The following NRG3 variants were observed in gnomAD, a reference collection of about 807,000 sequenced individuals.
NRG3 encodes the protein neuregulin 3.
In NRG3, 31 loss-of-function variants were observed where a neutral mutation model predicts 66.9. The ratio of observed to expected loss-of-function variants is 0.46; its 90% CI spans 0.35 to 0.63. NRG3 has a LOEUF of 0.63. Ranked by LOEUF, NRG3 falls within the 20% of genes least tolerant of loss-of-function variation. The pLI is 0.00. For synonymous variants in NRG3, 393 were observed against 359.4 expected (o/e 1.09, Z -1.06); for missense variants, 910 against 878.9 (o/e 1.04, Z -0.45).
intron 1 of NRG3, among the ~76,000 whole-genome samples, chr10:82,177,035 C>G (rs1194129542): frequency 6.6e-6 from 1 of 151,886 alleles, no homozygotes; most frequent in Non-Finnish European, 1.5e-5. Flanking sequence ...GTAGCCTACC[C>G]TTTCCTTACC....
At chr10:82,932,785 A>G (rs1032470285) in intron 4 of NRG3, among the ~76,000 whole-genome samples, 1 of 152,160 alleles carries the variant, frequency 6.6e-6, no homozygotes, top group African/African-American at 2.4e-5. Context: ...AAAGAGGAGG[A>G]AGGTCACTCG....
intron 1 of NRG3, among the ~76,000 whole-genome samples, chr10:82,005,904 T>TGTGTGTGC (rs1404200577): frequency 6.6e-6 from 1 of 151,762 alleles, no homozygotes; most frequent in Non-Finnish European, 1.5e-5. Context: ...ATTTTGTGTG[T>TGTGTGTGC]GTGTGTGTGT....
At chr10:82,764,100 T>G (rs2059424083) in intron 3 of NRG3, among the ~76,000 whole-genome samples, 1 of 152,144 alleles carries the variant, frequency 6.6e-6, no homozygotes, top group African/African-American at 2.4e-5. Flanking sequence ...AGTGGAGTGG[T>G]CTTGGCTCAC....
chr10:82,557,691 G>A (rs1333487203), intron 2 of NRG3, among the ~76,000 whole-genome samples: 2 of 152,122 alleles, frequency 1.3e-5, no homozygotes, highest in African/African-American at 2.4e-5. Flanking sequence ...TGGTATGGGT[G>A]CTGGGACTGA....
intron 4 of NRG3, among the ~76,000 whole-genome samples, chr10:82,930,476 G>A (rs760548821): frequency 5.9e-5 from 9 of 152,076 alleles, no homozygotes; most frequent in Non-Finnish European, 8.8e-5. Context: ...GTGCCTTTTC[G>A]GATGTGAACA....
At chr10:82,123,706 T>C (rs1283744426) in intron 1 of NRG3, among the ~76,000 whole-genome samples, 3 of 152,182 alleles carry the variant, frequency 2.0e-5, no homozygotes, top group African/African-American at 7.2e-5. Flanking sequence ...GAGGCAAGTC[T>C]AAATCAACCA....
intron 2 of NRG3, among the ~76,000 whole-genome samples, chr10:82,525,532 G>A (rs1244808674): frequency 6.6e-6 from 1 of 151,778 alleles, no homozygotes; most frequent in African/African-American, 2.4e-5. Flanking sequence ...AGACCAGAGG[G>A]ACTCCTAGGA....
chr10:82,985,896 C>T lies in NRG3; in HGVS notation c.*291C>T, dbSNP rs1222904830. 3 of 269,096 alleles carry T rather than the reference C, an allele frequency of 1.1e-5. No homozygotes were observed. Among genetic ancestry groups the T allele is most frequent in the Non-Finnish European group, 2.1e-5 (3 of 143,544 alleles). 16.7% of individuals were successfully genotyped at this position (269,096 alleles called of 1,614,324 possible). Reference sequence around the variant, plus strand: ...TTAGAAGATGTGGGCAATTCAGACCCTTGGCCCCACAGTGCCAGTGTCTCA... The same window carrying T: ...TTAGAAGATGTGGGCAATTCAGACCTTTGGCCCCACAGTGCCAGTGTCTCA... On this transcript the variant is annotated 3_prime_UTR_variant, in exon 9 of 9. Transcript: ENST00000372141.
chr10:82,925,401 TG>T, intron 4 of NRG3, among the ~76,000 whole-genome samples: 1 of 152,236 alleles, frequency 6.6e-6, no homozygotes. Flanking sequence ...CAAGTGCAAC[TG>T]GGGTTAATAA....
chr10:82,164,003 C>T (rs1435629979), intron 1 of NRG3, among the ~76,000 whole-genome samples: 1 of 151,454 alleles, frequency 6.6e-6, no homozygotes, highest in Non-Finnish European at 1.5e-5. Context: ...TCACTGCAAC[C>T]TCCACCTCCT....
At chr10:82,076,964 G>GAT (rs1401376550) in intron 1 of NRG3, among the ~76,000 whole-genome samples, 1 of 152,184 alleles carries the variant, frequency 6.6e-6, no homozygotes, top group East Asian at 1.9e-4. Context: ...AAGGCATGTT[G>GAT]ATACTGGACT....
chr10:82,190,268 A>G (rs1342019327), intron 1 of NRG3, among the ~76,000 whole-genome samples: 1 of 152,156 alleles, frequency 6.6e-6, no homozygotes, highest in African/African-American at 2.4e-5. Flanking sequence ...TCATAATACC[A>G]TTAAAAAATT....
intron 2 of NRG3, among the ~76,000 whole-genome samples, chr10:82,383,429 A>AG (rs2085758373): frequency 6.6e-6 from 1 of 151,196 alleles, no homozygotes; most frequent in Non-Finnish European, 1.5e-5. Context: ...TCCTTTTTTA[A>AG]AAAAAACACA....
At chr10:82,647,598 T>C (rs1333448101) in intron 2 of NRG3, among the ~76,000 whole-genome samples, 2 of 151,906 alleles carry the variant, frequency 1.3e-5, no homozygotes, top group African/African-American at 4.8e-5. Context: ...CCACAATGGT[T>C]GAACTAGTTT....
At chr10:82,239,817 A>G (rs749872226) in intron 1 of NRG3, among the ~76,000 whole-genome samples, 1 of 152,006 alleles carries the variant, frequency 6.6e-6, no homozygotes, top group Non-Finnish European at 1.5e-5. Flanking sequence ...TTCCAGTTTT[A>G]TTTTGATAAT....
chr10:82,938,058 G>A (rs1238534144), intron 4 of NRG3, among the ~76,000 whole-genome samples: 1 of 152,148 alleles, frequency 6.6e-6, no homozygotes, highest in Non-Finnish European at 1.5e-5. Context: ...TTTTATATAT[G>A]TTGGGTCAAA....
chr10:82,553,306 G>A (rs1334038644), intron 2 of NRG3, among the ~76,000 whole-genome samples: 3 of 151,822 alleles, frequency 2.0e-5, no homozygotes, highest in South Asian at 4.2e-4. Flanking sequence ...CGAATAGGTA[G>A]GAGGATAACT....
intron 1 of NRG3, among the ~76,000 whole-genome samples, chr10:82,048,566 A>G (rs4497347): frequency 6.8e-6 from 1 of 146,290 alleles, no homozygotes; most frequent in Non-Finnish European, 1.5e-5. Context: ...ACGAAGACAC[A>G]ACATACCAGA....
chr10:82,060,662 A>G (rs10884110), intron 1 of NRG3, among the ~76,000 whole-genome samples: 23,368 of 152,202 alleles, frequency 0.15, 2,193 homozygotes, highest in South Asian at 0.29. Flanking sequence ...TCTAATGCAA[A>G]TATTGTCCAC....
Sources: allele counts gnomAD v4.1 joint callset (sites outside exome capture counted in the v4.1 genomes callset), GRCh38; gene constraint gnomAD v4.1.1; transcripts MANE v1.5; gene names NCBI Gene and HGNC (gene_info 2026-07-23, HGNC 2026-07-21).